The following ADGRD1 variants were observed in gnomAD, a reference collection of about 807,000 sequenced individuals.
ADGRD1 encodes adhesion G protein-coupled receptor D1, also known as G-protein coupled receptor 133.
ADGRD1 carries 77 observed loss-of-function variants against 113.4 expected under a neutral mutation model. That is an observed-to-expected ratio of 0.68 (90% confidence interval 0.57 to 0.82). The LOEUF is 0.82. Ranked by LOEUF, ADGRD1 falls within the 40% of genes least tolerant of loss-of-function variation. The pLI, the probability that ADGRD1 is intolerant of heterozygous loss-of-function variation, is 0.00. For synonymous variants in ADGRD1, 474 were observed against 475.0 expected, an observed-to-expected ratio of 1.00 and a Z score of 0.03; for missense variants, 1,036 against 1,139.1, an observed-to-expected ratio of 0.91 and a Z score of 1.30.
chr12:131,138,851 C>T (rs1951174836), intron 24 of ADGRD1, among the ~76,000 whole-genome samples: 1 of 152,222 alleles, frequency 6.6e-6, no homozygotes, highest in South Asian at 2.1e-4. Context: ...GGAATGAACG[C>T]AGCGTGGACA....
chr12:131,090,669 C>T (rs541761797), intron 15 of ADGRD1, among the ~76,000 whole-genome samples: 1 of 152,324 alleles, frequency 6.6e-6, no homozygotes, highest in Admixed American at 6.5e-5. Flanking sequence ...ATGCTGCTGT[C>T]AACATGGTGA....
chr12:130,963,319 CAAAAAAAAAAAAAAAAA>C, intron 2 of ADGRD1, among the ~76,000 whole-genome samples: 1 of 75,050 alleles, frequency 1.3e-5, no homozygotes. Context: ...GACTCCGTCT[CAAAAAAAAAAAAAAAAA>C]AAAAAAGAAA....
chr12:131,109,279 T>C (rs1950299672), intron 18 of ADGRD1, among the ~76,000 whole-genome samples: 2 of 152,230 alleles, frequency 1.3e-5, no homozygotes, highest in Non-Finnish European at 2.9e-5. Context: ...ATCTTCATTA[T>C]TTCCTTTCTT....
At chr12:130,975,784 A>C (rs996060591) in intron 4 of ADGRD1, among the ~76,000 whole-genome samples, 1 of 152,188 alleles carries the variant, frequency 6.6e-6, no homozygotes, top group Non-Finnish European at 1.5e-5. Flanking sequence ...CCATTCCGCT[A>C]TTGGACTCCT....
chr12:131,129,443 T>TGTGA (rs533828057), intron 20 of ADGRD1, among the ~76,000 whole-genome samples: 11 of 73,920 alleles, frequency 1.5e-4, no homozygotes, highest in Non-Finnish European at 2.3e-4. Flanking sequence ...GCTGTCTGGG[T>TGTGA]GTGACAGGCC....
rs1882620440 is a variant in ADGRD1, at chr12:131,045,628, G to A, written c.1474-31173G>A. 2.0e-5 allele frequency among the ~76,000 whole-genome samples: 3 copies of A among 152,266 alleles called. 1 individual carries two copies. In the Middle Eastern group the frequency reaches 0.01, roughly 518 times the overall value. On this transcript the variant is annotated intron_variant, in intron 13 of 24. Transcript: ENST00000261654. ...GGTTCCTTCTTACAACAGCTGAGAGGGATGTGGGGATTTACAGTTGGGGAA... is the reference window on the plus strand; with the variant it reads ...GGTTCCTTCTTACAACAGCTGAGAGAGATGTGGGGATTTACAGTTGGGGAA...
intron 14 of ADGRD1, among the ~76,000 whole-genome samples, chr12:131,077,526 TCTC>T (rs543034093): frequency 6.6e-6 from 1 of 152,034 alleles, no homozygotes; most frequent in East Asian, 1.9e-4. Flanking sequence ...TGATCACAAT[TCTC>T]CTCTAGACGT....
chr12:130,996,605 C>T (rs1261168929), intron 8 of ADGRD1, among the ~76,000 whole-genome samples: 329 of 118,622 alleles, frequency 2.8e-3, no homozygotes, highest in African/African-American at 0.01. Flanking sequence ...GTAGGGGCGG[C>T]CGGGCAGAGG....
rs1882087825 is a variant in ADGRD1, at chr12:131,041,078, T to C, written c.1473+26738T>C. 6.6e-6 allele frequency among the ~76,000 whole-genome samples: 1 copy of C among 152,198 alleles called. No homozygotes were observed. Among genetic ancestry groups the C allele is most frequent in the Non-Finnish European group, 1.5e-5 (1 of 68,026 alleles). ...TCTGAGTTGTGACCTGTGGTGATGA[T>C]GCCACCATTTCTCTGATGCCCTCAC... is the stretch of plus-strand genomic sequence containing the variant. On this transcript the variant is annotated intron_variant, in intron 13 of 24. Transcript: ENST00000261654. This position sits in a 1 kb window ranked among gnomAD's most constrained non-coding sequence, Gnocchi z 4.4.
In ADGRD1 at chr12:130,984,096, T is replaced by C. The variant is rs986347735; in HGVS notation, c.490+2033T>C. ...CGCTTAGAGCACAGGCTGATGCCAA[T>C]GGCCTGTGGGCTGAGTTGGGTCCTC... On this transcript the variant is annotated intron_variant, in intron 5 of 24. Coordinates refer to ENST00000261654, the MANE Select transcript of ADGRD1 (RefSeq NM_198827.5). This position sits in a 1 kb window ranked among gnomAD's most constrained non-coding sequence, Gnocchi z 4.1. Among the ~76,000 whole-genome samples, 1 of 152,236 alleles carries C rather than the reference T, an allele frequency of 6.6e-6. No homozygotes were observed. Among genetic ancestry groups the C allele is most frequent in the Non-Finnish European group, 1.5e-5 (1 of 68,030 alleles).
chr12:130,992,575 C>G (rs192184225), intron 8 of ADGRD1, 183 bp downstream of exon 8: 62 of 527,684 alleles, frequency 1.2e-4, no homozygotes, highest in African/African-American at 9.2e-4. Flanking sequence ...CTGTACAGCT[C>G]AGCGGAGCTT....
chr12:130,983,888 A>G (rs1873313125), intron 5 of ADGRD1, among the ~76,000 whole-genome samples: 2 of 152,220 alleles, frequency 1.3e-5, no homozygotes. Flanking sequence ...CTGGCAGAAC[A>G]AAGGGAACCT....
chr12:131,103,796 G>A (rs1229829527), intron 15 of ADGRD1, among the ~76,000 whole-genome samples: 1 of 152,200 alleles, frequency 6.6e-6, no homozygotes, highest in East Asian at 1.9e-4. Context: ...CCTCAGTGCC[G>A]GACAGGGACA....
In ADGRD1 at chr12:131,113,714, G is replaced by A. The variant is rs1052769492; in HGVS notation, c.2042-4671G>A. On this transcript the variant is annotated intron_variant, in intron 18 of 24. Coordinates refer to ENST00000261654, the MANE Select transcript of ADGRD1 (RefSeq NM_198827.5). This position sits in a 1 kb window ranked among gnomAD's most constrained non-coding sequence, Gnocchi z 4.9. The stretch of plus-strand genomic sequence containing the variant: ...GGGAGCTCCCCGAGTCACCACGGAC[G>A]TCCTCCGTCCTGCCTCACTGCTCAT... 6.6e-5 allele frequency among the ~76,000 whole-genome samples: 10 copies of A among 152,132 alleles called. No homozygotes were observed. The highest frequency in any genetic ancestry group is 2.1e-4 in the South Asian group (1 of 4,820).
chr12:131,085,474 G>C (rs12422950), intron 15 of ADGRD1, among the ~76,000 whole-genome samples: 1 of 152,138 alleles, frequency 6.6e-6, no homozygotes, highest in Non-Finnish European at 1.5e-5. Context: ...AGGGAGGAGC[G>C]TGAGTTTCAT....
At chr12:131,097,920 A>G (rs1412900350) in intron 15 of ADGRD1, among the ~76,000 whole-genome samples, 6 of 152,136 alleles carry the variant, frequency 3.9e-5, no homozygotes. Context: ...GCCAAGTCCA[A>G]CCAAGGAGAG....
At chr12:131,046,804 C>A (rs1396571754) in intron 13 of ADGRD1, among the ~76,000 whole-genome samples, 1 of 142,252 alleles carries the variant, frequency 7.0e-6, no homozygotes, top group Non-Finnish European at 1.5e-5. Flanking sequence ...TCAGTGTCCT[C>A]CCTGGGCAGT....
intron 15 of ADGRD1, among the ~76,000 whole-genome samples, chr12:131,087,692 T>C (rs1368295943): frequency 6.7e-6 from 1 of 149,532 alleles, no homozygotes; most frequent in Non-Finnish European, 1.5e-5. Context: ...CTAGAGCAGC[T>C]GCCCCGCCAG....
chr12:130,995,614 T>C lies in ADGRD1; in HGVS notation c.966+3222T>C, dbSNP rs146619440. ...TCTGCAGCCAGCAGTTGCTAGCAACTCAAGGCCACCTGTCTGTAACCGTTA... is the reference window on the plus strand; with the variant it reads ...TCTGCAGCCAGCAGTTGCTAGCAACCCAAGGCCACCTGTCTGTAACCGTTA... On this transcript the variant is annotated intron_variant, in intron 8 of 24. Coordinates refer to ENST00000261654, the MANE Select transcript of ADGRD1 (RefSeq NM_198827.5). Among the ~76,000 whole-genome samples, 556 of 152,224 alleles carry C rather than the reference T, an allele frequency of 3.7e-3. 3 individuals are homozygous for C. The highest frequency in any genetic ancestry group is 0.012 in the African/African-American group (488 of 41,522).
Sources: gnomAD v4.1 joint callset for allele counts (sites outside exome capture counted in the v4.1 genomes callset) on GRCh38, gnomAD v4.1.1 for gene constraint, Gnocchi (gnomAD v3.1) non-coding constraint, MANE v1.5 for transcripts, NCBI Gene and HGNC (gene_info 2026-07-23, HGNC 2026-07-21) for gene names.